The following CCDC32 variants were observed in gnomAD, a reference collection of about 807,000 sequenced individuals.
CCDC32 encodes coiled-coil domain containing 32.
CCDC32 carries 9 observed loss-of-function variants against 20.1 expected under a neutral mutation model. That is an observed-to-expected ratio of 0.45 (90% CI 0.27 to 0.78). The LOEUF (loss-of-function observed/expected upper bound fraction) is 0.78, where lower values mean the gene tolerates loss of function less well. CCDC32 is among the 30% of genes least tolerant of loss of function. CCDC32 has a pLI of 0.16. For synonymous variants in CCDC32, 63 were observed against 79.0 expected, an observed-to-expected ratio of 0.80 and a Z score of 1.07; for missense variants, 204 against 215.5, an observed-to-expected ratio of 0.95 and a Z score of 0.33.
At chr15:40,540,449 C>T (rs1228641482) in intron 3 of CCDC32, among the ~76,000 whole-genome samples, 2 of 150,884 alleles carry the variant, frequency 1.3e-5, no homozygotes, top group Non-Finnish European at 2.9e-5. Flanking sequence ...CTCACTGCAA[C>T]CTCCGCCTCC....
downstream of CCDC32, among the ~76,000 whole-genome samples, chr15:40,527,078 GT>G (rs1239297334): frequency 2.0e-5 from 3 of 152,040 alleles, no homozygotes; most frequent in Non-Finnish European, 4.4e-5. Flanking sequence ...AGCCTTCCAA[GT>G]AGCTGGGATT....
chr15:40,545,280 C>G (rs1889568714), intron 3 of CCDC32, among the ~76,000 whole-genome samples: 1 of 152,156 alleles, frequency 6.6e-6, no homozygotes, highest in Non-Finnish European at 1.5e-5. Context: ...CTGGAAATAT[C>G]TGTTCTTTAA....
intron 1 of CCDC32, among the ~76,000 whole-genome samples, chr15:40,563,654 C>G (rs898170802): frequency 2.1e-5 from 3 of 145,438 alleles, no homozygotes; most frequent in African/African-American, 7.6e-5. Context: ...TTAAAATGGT[C>G]AATTTTATGC....
At chr15:40,537,318 G>C (rs1889160530), downstream of CCDC32, 1 of 152,796 alleles carries the variant, frequency 6.5e-6, no homozygotes, top group African/African-American at 2.4e-5. Context: ...CAGCTGGAGG[G>C]AAGGGGCTTG....
chr15:40,556,259 C>G (rs1006312092), intron 3 of CCDC32, among the ~76,000 whole-genome samples: 12 of 152,184 alleles, frequency 7.9e-5, no homozygotes, highest in African/African-American at 2.4e-4. Flanking sequence ...GGCAAAACAC[C>G]AAAGCCAGGA....
chr15:40,529,466 C>G (rs892671976), intron 3 of CCDC32: 5 of 152,160 alleles, frequency 3.3e-5, no homozygotes, highest in Admixed American at 1.3e-4. Context: ...CAAGCACATG[C>G]ACATAATGTG....
At chr15:40,557,151 T>C in intron 3 of CCDC32, 65 bp downstream of exon 3, 1 of 1,530,622 alleles carries the variant, frequency 6.5e-7, no homozygotes, top group Non-Finnish European at 8.7e-7. Context: ...ACTGCTGGGC[T>C]AAAAACAAAT....
At chr15:40,527,557 G>A (rs1290660421), downstream of CCDC32, among the ~76,000 whole-genome samples, 1 of 152,204 alleles carries the variant, frequency 6.6e-6, no homozygotes, top group East Asian at 1.9e-4. Context: ...TCCCAGTGTG[G>A]CAGTATTGGG....
At chr15:40,542,458 G>A (rs1411662436) in intron 3 of CCDC32, among the ~76,000 whole-genome samples, 4 of 152,184 alleles carry the variant, frequency 2.6e-5, no homozygotes, top group Non-Finnish European at 2.9e-5. Context: ...GCAGTTTGTC[G>A]ATGTTCCTCT....
downstream of CCDC32, among the ~76,000 whole-genome samples, chr15:40,530,821 C>T (rs1029664942): frequency 6.6e-6 from 1 of 151,018 alleles, no homozygotes; most frequent in African/African-American, 2.4e-5. Context: ...GATACTCCCA[C>T]CTTAGTTAGC....
chr15:40,556,392 AG>A (rs1235972892), intron 3 of CCDC32, among the ~76,000 whole-genome samples: 3 of 152,236 alleles, frequency 2.0e-5, no homozygotes, highest in African/African-American at 7.2e-5. Context: ...TCTGCCCTCA[AG>A]TAGTTTTGAG....
the CCDC32 span, among the ~76,000 whole-genome samples, chr15:40,521,368 T>C: frequency 1.3e-5 from 2 of 152,240 alleles, no homozygotes; most frequent in African/African-American, 2.4e-5. Context: ...ATCCACGTTG[T>C]AGCATGTATC....
At chr15:40,528,778 A>C (rs1168933180) in exon 4 of CCDC32, 1 of 699,224 alleles carries the variant, frequency 1.4e-6, no homozygotes, top group Non-Finnish European at 2.6e-6. Flanking sequence ...CACAGATCCC[A>C]TTTCTCAAAA....
In CCDC32 at chr15:40,557,203, G is replaced by A. The variant is rs757175327; in HGVS notation, c.401+13C>T. 17 of 1,602,372 alleles carry A rather than the reference G, an allele frequency of 1.1e-5. No homozygotes were observed. Among genetic ancestry groups the A allele is most frequent in the Non-Finnish European group, 1.4e-5 (17 of 1,175,710 alleles). ...GGATGATTTCAGCTGGAACTAGACG[G>A]GGAATCGATTACCTCTCATCAGAAT... On this transcript the variant is annotated intron_variant, in intron 3 of 3. Transcript: ENST00000416810.
intron 3 of CCDC32, among the ~76,000 whole-genome samples, chr15:40,544,616 A>G (rs963225566): frequency 6.6e-6 from 1 of 152,186 alleles, no homozygotes; most frequent in Non-Finnish European, 1.5e-5. Context: ...CTATACCAAC[A>G]CACAGAGAGA....
intron 3 of CCDC32, 121 bp downstream of exon 3, chr15:40,557,095 G>T: frequency 9.1e-7 from 1 of 1,098,524 alleles, no homozygotes; most frequent in Non-Finnish European, 1.3e-6. Context: ...CCAACACGTA[G>T]CTGCAGTATT....
intron 3 of CCDC32, among the ~76,000 whole-genome samples, chr15:40,529,099 G>T (rs1161027593): frequency 6.6e-6 from 1 of 152,222 alleles, no homozygotes; most frequent in South Asian, 2.1e-4. Flanking sequence ...TACACTAGAA[G>T]CTGCCGCTCT....
At chr15:40,540,922 G>C (rs1165268358) in intron 3 of CCDC32, among the ~76,000 whole-genome samples, 1 of 152,190 alleles carries the variant, frequency 6.6e-6, no homozygotes, top group African/African-American at 2.4e-5. Flanking sequence ...ACCCAAGAGA[G>C]CAGTGTGTGG....
intron 3 of CCDC32, among the ~76,000 whole-genome samples, chr15:40,555,606 A>G (rs768359350): frequency 3.9e-5 from 6 of 152,236 alleles, no homozygotes; most frequent in Non-Finnish European, 8.8e-5. Context: ...CTGAACCCTC[A>G]GAGGAGAGTT....
Sources: gnomAD v4.1 joint callset for allele counts (sites outside exome capture counted in the v4.1 genomes callset) on GRCh38, gnomAD v4.1.1 for gene constraint, MANE v1.5 for transcripts, NCBI Gene and HGNC (gene_info 2026-07-23, HGNC 2026-07-21) for gene names.